RAB3IP: variants seen among roughly 807,000 people sequenced by gnomAD.
RAB3IP encodes the protein RAB3A interacting protein.
RAB3IP carries 36 observed loss-of-function variants against 59.1 expected under a neutral mutation model. The observed-to-expected ratio is 0.61, with a 90% CI of 0.47 to 0.80. RAB3IP has a LOEUF of 0.80. RAB3IP is among the 30% of genes least tolerant of loss of function. The pLI is 0.00. For synonymous variants in RAB3IP, 207 were observed against 191.2 expected (o/e 1.08, Z -0.68); for missense variants, 511 against 536.0 (o/e 0.95, Z 0.46).
intron 5 of RAB3IP, 24 bp downstream of exon 5, chr12:69,794,538 G>T (rs747465815): frequency 6.4e-7 from 1 of 1,566,530 alleles, no homozygotes; most frequent in South Asian, 1.2e-5. Flanking sequence ...GCTCTTAATA[G>T]TATAAAATAA....
chr12:69,792,859 T>C (rs1876858440), intron 4 of RAB3IP, among the ~76,000 whole-genome samples: 1 of 152,236 alleles, frequency 6.6e-6, no homozygotes, highest in Admixed American at 6.5e-5. Flanking sequence ...AAAACTTTTC[T>C]AGCTTTTCTA....
chr12:69,808,919 T>C (rs1430736420), intron 8 of RAB3IP, among the ~76,000 whole-genome samples: 3 of 152,202 alleles, frequency 2.0e-5, no homozygotes, highest in East Asian at 1.9e-4. Flanking sequence ...AATATTGTTA[T>C]GTGTGAATTT....
chr12:69,789,912 A>G (rs957344129), intron 4 of RAB3IP, among the ~76,000 whole-genome samples: 5 of 152,168 alleles, frequency 3.3e-5, no homozygotes, highest in African/African-American at 4.8e-5. Context: ...TCAACAAAAT[A>G]GATATAGGAA....
At position 69,794,495 on chromosome 12, in the gene RAB3IP, T is replaced by G; in HGVS notation, c.665T>G (p.Leu222Arg). 6.2e-7 allele frequency: 1 copy of G among 1,612,856 alleles called. No homozygotes were observed. The highest frequency in any genetic ancestry group is 8.5e-7 in the Non-Finnish European group (1 of 1,179,390). ...NIKQATAEKQ[L>R]KEAQGKIDVL... ...AAGCAGGCAACAGCAGAAAAACAGC[T>G]AAAAGAAGCACAAGGAAAAGTGAGT... Residue 222 changes from leucine (L) to arginine (R), a missense_variant, in exon 5 of 11, where the codon CTA becomes CGA. Physicochemically the swap from Leu to Arg is moderately radical, Grantham distance 102 (BLOSUM62 -2). Coordinates refer to ENST00000247833, the MANE Select transcript of RAB3IP (RefSeq NM_022456.5).
At chr12:69,810,167 G>A (rs1037415170) in intron 8 of RAB3IP, among the ~76,000 whole-genome samples, 10 of 152,198 alleles carry the variant, frequency 6.6e-5, no homozygotes, top group East Asian at 3.8e-4. Flanking sequence ...GGTCCACTCC[G>A]GACCCTGTTT....
intron 8 of RAB3IP, among the ~76,000 whole-genome samples, chr12:69,809,656 T>C (rs1173038101): frequency 1.3e-5 from 2 of 152,238 alleles, no homozygotes; most frequent in Non-Finnish European, 2.9e-5. Context: ...CATTTTGTCT[T>C]CCATCACTGA....
At chr12:69,761,231 C>T (rs550421718) in intron 3 of RAB3IP, among the ~76,000 whole-genome samples, 1 of 152,316 alleles carries the variant, frequency 6.6e-6, no homozygotes, top group African/African-American at 2.4e-5. Flanking sequence ...GTTTTCATCT[C>T]TGAAAGTTTG....
Position 69,815,731 on chromosome 12 carries a change from G to C in RAB3IP, c.*285G>C, listed in dbSNP as rs1006567426. 4 of 213,490 alleles carry C rather than the reference G, an allele frequency of 1.9e-5. No homozygotes were observed. Among genetic ancestry groups the C allele is most frequent in the Non-Finnish European group, 3.7e-5 (4 of 108,198 alleles). The allele number at this position is 213,490 out of a possible 1,614,324, so 13.2% of individuals were successfully genotyped here. On this transcript the variant is annotated 3_prime_UTR_variant, in exon 11 of 11. Coordinates refer to ENST00000247833, the MANE Select transcript of RAB3IP (RefSeq NM_022456.5). ...TAAATAAATGTTAGATTGAATGTGT[G>C]TACATTTTCTCTTCTAGCTCTGACA...
Position 69,755,467 on chromosome 12 carries a change from C to T in RAB3IP, c.59C>T (p.Pro20Leu), listed in dbSNP as rs760203794. ...HEVNLASPTS[P>L]DLLGVYESGT... Reference sequence around the variant, plus strand: ...GTAAACCTTGCTTCACCTACTTCTCCGGACCTTCTTGGTGTGTATGAATCA... The same window carrying T: ...GTAAACCTTGCTTCACCTACTTCTCTGGACCTTCTTGGTGTGTATGAATCA... Residue 20 changes from proline (P) to leucine (L), a missense_variant, in exon 2 of 11, where the codon CCG (proline) becomes CTG (leucine). Coordinates refer to ENST00000247833, the MANE Select transcript of RAB3IP (RefSeq NM_022456.5). 1.4e-5 allele frequency: 23 copies of T among 1,613,938 alleles called. No homozygotes were observed. Among genetic ancestry groups the T allele is most frequent in the East Asian group, 6.7e-5 (3 of 44,884 alleles).
chr12:69,753,194 GAGTC>G (rs755267761), intron 1 of RAB3IP, among the ~76,000 whole-genome samples: 32 of 152,162 alleles, frequency 2.1e-4, no homozygotes, highest in Non-Finnish European at 3.7e-4. Context: ...AAATGATACT[GAGTC>G]AGATCTCTTT....
chr12:69,746,149 C>T (rs1208335238), intron 1 of RAB3IP, among the ~76,000 whole-genome samples: 1 of 152,182 alleles, frequency 6.6e-6, no homozygotes, highest in Non-Finnish European at 1.5e-5. Flanking sequence ...GTTTAACCAG[C>T]CTCTAGTCTC....
At chr12:69,815,222 G>GT (rs1277297273) in intron 10 of RAB3IP, 142 bp from the exon 11 acceptor site, 17 of 602,746 alleles carry the variant, frequency 2.8e-5, no homozygotes, top group Non-Finnish European at 4.0e-5. Context: ...CTGTGGAAAA[G>GT]TTTATGTGAA....
At chr12:69,787,517 C>T (rs1336229494) in intron 4 of RAB3IP, among the ~76,000 whole-genome samples, 3 of 152,150 alleles carry the variant, frequency 2.0e-5, no homozygotes, top group East Asian at 1.9e-4. Flanking sequence ...TGCAGGCACT[C>T]ATATTCATGA....
intron 8 of RAB3IP, among the ~76,000 whole-genome samples, chr12:69,803,597 T>A (rs1174491326): frequency 6.6e-6 from 1 of 152,044 alleles, no homozygotes; most frequent in Non-Finnish European, 1.5e-5. Flanking sequence ...GCTGCACCCA[T>A]TAACTCATCA....
chr12:69,814,177 A>G (rs1296600765), intron 10 of RAB3IP, among the ~76,000 whole-genome samples: 2 of 152,220 alleles, frequency 1.3e-5, no homozygotes, highest in Non-Finnish European at 2.9e-5. Context: ...TATGTTAAGT[A>G]TAATTGCCAA....
In RAB3IP at chr12:69,756,469, A is replaced by T; in HGVS notation, c.316A>T (p.Thr106Ser). 6.2e-7 allele frequency: 1 copy of T among 1,614,122 alleles called. No homozygotes were observed. Among genetic ancestry groups the T allele is most frequent in the East Asian group, 2.2e-5 (1 of 44,876 alleles). The change falls in exon 3 of 11, where the codon ACT becomes TCT. Residue 106 changes from threonine (T) to serine (S), a missense_variant. Transcript: ENST00000247833. Reference sequence around the variant, plus strand: ...AGTCACAGCTGGATTAACTAAATTAACTACAAGAAAGGACAACTATAATGC... The same window carrying T: ...AGTCACAGCTGGATTAACTAAATTATCTACAAGAAAGGACAACTATAATGC... ...SGVTAGLTKL[T>S]TRKDNYNAER...
chr12:69,793,579 C>G (rs1876976880), intron 4 of RAB3IP, among the ~76,000 whole-genome samples: 1 of 152,144 alleles, frequency 6.6e-6, no homozygotes, highest in African/African-American at 2.4e-5. Context: ...TAATCCCTTA[C>G]AGGGATTATT....
chr12:69,753,873 C>G (rs1429253591), intron 1 of RAB3IP, among the ~76,000 whole-genome samples: 1 of 152,124 alleles, frequency 6.6e-6, no homozygotes, highest in Admixed American at 6.5e-5. Context: ...GAGTGGTACA[C>G]TCAAGTTAGT....
At chr12:69,787,528 T>A (rs1461815958) in intron 4 of RAB3IP, among the ~76,000 whole-genome samples, 2 of 152,160 alleles carry the variant, frequency 1.3e-5, no homozygotes, top group African/African-American at 4.8e-5. Flanking sequence ...ATATTCATGA[T>A]CCTAACTCTT....
Sources: gnomAD v4.1 joint callset for allele counts (sites outside exome capture counted in the v4.1 genomes callset) on GRCh38, gnomAD v4.1.1 for gene constraint, MANE v1.5 for transcripts, NCBI Gene and HGNC (gene_info 2026-07-23, HGNC 2026-07-21) for gene names.